REEP1: variants seen among roughly 807,000 people sequenced by gnomAD.
The protein encoded by REEP1 is receptor expression-enhancing protein 1.
A neutral mutation model predicts 40.3 loss-of-function variants in REEP1; 22 were observed. That is an observed-to-expected ratio of 0.55 (90% CI 0.39 to 0.78). The LOEUF is 0.78. REEP1 is among the 30% of genes least tolerant of loss of function. REEP1 has a pLI of 0.00. For synonymous variants in REEP1, 116 were observed against 139.2 expected (o/e 0.83, Z 1.17); for missense variants, 280 against 361.1 (o/e 0.78, Z 1.82).
intron 1 of REEP1, among the ~76,000 whole-genome samples, chr2:86,316,087 G>C (rs1437782305): frequency 3.3e-5 from 5 of 152,150 alleles, no homozygotes; most frequent in African/African-American, 1.2e-4. Context: ...CGAGACACCA[G>C]AAAACCTGAT....
intron 2 of REEP1, among the ~76,000 whole-genome samples, chr2:86,269,768 A>G (rs904399187): frequency 2.0e-5 from 3 of 152,184 alleles, no homozygotes; most frequent in Non-Finnish European, 4.4e-5. Flanking sequence ...CACAGGTAAC[A>G]TTTAGAGAAC....
intron 1 of REEP1, among the ~76,000 whole-genome samples, chr2:86,322,781 G>A (rs72926423): frequency 0.014 from 2,112 of 151,978 alleles, 58 homozygotes; most frequent in African/African-American, 0.048. Flanking sequence ...TTATCTGGGC[G>A]TGGTGGTGCA....
intron 6 of REEP1, among the ~76,000 whole-genome samples, chr2:86,230,660 G>C (rs1297980133): frequency 9.2e-5 from 14 of 152,214 alleles, no homozygotes; most frequent in Non-Finnish European, 4.4e-5. Context: ...AATGATAACA[G>C]CTACTATGCA....
intron 1 of REEP1, among the ~76,000 whole-genome samples, chr2:86,291,710 G>A (rs1054665772): frequency 6.6e-6 from 1 of 151,934 alleles, no homozygotes; most frequent in African/African-American, 2.4e-5. Context: ...CCAACAAGAC[G>A]CAAACCCAGG....
chr2:86,223,201 T>C (rs1260147790), intron 7 of REEP1, among the ~76,000 whole-genome samples: 1 of 152,186 alleles, frequency 6.6e-6, no homozygotes, highest in Non-Finnish European at 1.5e-5. Context: ...TGTGTGGCCT[T>C]GGCTGATGTT....
At chr2:86,245,628 G>T (rs139442767) in intron 5 of REEP1, among the ~76,000 whole-genome samples, 4,374 of 152,154 alleles carry the variant, frequency 0.029, 182 homozygotes, top group African/African-American at 0.096. Flanking sequence ...TGGGCCTTTT[G>T]CAGCCTCCAT....
chr2:86,245,665 C>G lies in REEP1; in HGVS notation c.417+6292G>C, dbSNP rs553876978. ...TTGCAACTGGCCCCCTGGCTCCCAC[C>G]TTTAGGAACTCTTAACCTGTCTCTT... On this transcript the variant is annotated intron_variant, in intron 5 of 8. Transcript: ENST00000538924. Among the ~76,000 whole-genome samples, 44 of 152,228 alleles carry G rather than the reference C, an allele frequency of 2.9e-4. No individual in the cohort carries two copies. The South Asian group carries it at 8.9e-3, about 31-fold the overall frequency.
At chr2:86,218,062 A>G (rs1406076507) in intron 8 of REEP1, among the ~76,000 whole-genome samples, 1 of 152,004 alleles carries the variant, frequency 6.6e-6, no homozygotes, top group Non-Finnish European at 1.5e-5. Context: ...GTGCCCATTC[A>G]TGCCTCTATT....
chr2:86,293,317 A>G (rs2104434129), intron 1 of REEP1, among the ~76,000 whole-genome samples: 1 of 152,342 alleles, frequency 6.6e-6, no homozygotes, highest in Non-Finnish European at 1.5e-5. Context: ...GTGTATCAGA[A>G]CAAGAAAGGT....
intron 5 of REEP1, among the ~76,000 whole-genome samples, chr2:86,241,463 G>C (rs1233442451): frequency 6.6e-6 from 1 of 152,174 alleles, no homozygotes; most frequent in African/African-American, 2.4e-5. Flanking sequence ...AGAGAGAGCT[G>C]ATCGATCATC....
chr2:86,257,078 T>C (rs987399331), intron 3 of REEP1, among the ~76,000 whole-genome samples: 2 of 152,164 alleles, frequency 1.3e-5, no homozygotes, highest in African/African-American at 2.4e-5. Context: ...CATGGCAAGA[T>C]TGTTTAATGT....
At chr2:86,294,036 A>G (rs911638394) in intron 1 of REEP1, among the ~76,000 whole-genome samples, 24 of 152,250 alleles carry the variant, frequency 1.6e-4, no homozygotes, top group Admixed American at 1.1e-3. Flanking sequence ...AAAGGCAAAT[A>G]CTGAGTGATT....
chr2:86,296,649 G>C (rs1467823036), intron 1 of REEP1, among the ~76,000 whole-genome samples: 1 of 152,196 alleles, frequency 6.6e-6, no homozygotes, highest in Non-Finnish European at 1.5e-5. Flanking sequence ...CTGAGGTCAG[G>C]AGTTTGAAAC....
At chr2:86,263,217 A>G (rs1010604591) in intron 3 of REEP1, among the ~76,000 whole-genome samples, 4 of 152,128 alleles carry the variant, frequency 2.6e-5, no homozygotes, top group Non-Finnish European at 4.4e-5. Context: ...ACACACATAT[A>G]TTAGTTTTTG....
intron 1 of REEP1, among the ~76,000 whole-genome samples, chr2:86,330,667 A>C (rs1222738445): frequency 6.6e-6 from 1 of 151,962 alleles, no homozygotes. Context: ...GCTGGTCTCA[A>C]ATTCCTGGGC....
At chr2:86,335,063 G>A (rs1680947864) in intron 1 of REEP1, among the ~76,000 whole-genome samples, 1 of 152,134 alleles carries the variant, frequency 6.6e-6, no homozygotes, top group Non-Finnish European at 1.5e-5. Context: ...CAAGGTATGT[G>A]GAGTGTAGAA....
chr2:86,325,026 C>G (rs1299773015), intron 1 of REEP1, among the ~76,000 whole-genome samples: 3 of 152,148 alleles, frequency 2.0e-5, no homozygotes, highest in Non-Finnish European at 4.4e-5. Context: ...TATAAATAGT[C>G]TTTTCTATTG....
intron 5 of REEP1, among the ~76,000 whole-genome samples, chr2:86,247,727 C>T (rs1244388538): frequency 4.6e-5 from 7 of 151,918 alleles, no homozygotes; most frequent in African/African-American, 1.2e-4. Context: ...CATGCCACCA[C>T]ACCAGGCTAA....
chr2:86,219,830 T>C, intron 8 of REEP1, 140 bp downstream of exon 8: 1 of 542,470 alleles, frequency 1.8e-6, no homozygotes, highest in East Asian at 3.5e-5. Context: ...GTTCTGCTTG[T>C]TTGATGGAAG....
Sources: allele counts gnomAD v4.1 joint callset (sites outside exome capture counted in the v4.1 genomes callset), GRCh38; gene constraint gnomAD v4.1.1; transcripts MANE v1.5; gene names NCBI Gene and HGNC (gene_info 2026-07-23, HGNC 2026-07-21).